CLVS1: variants seen among roughly 807,000 people sequenced by gnomAD.
CLVS1 encodes clavesin-1.
CLVS1 carries 10 observed loss-of-function variants against 33.1 expected under a neutral mutation model. The ratio of observed to expected loss-of-function variants is 0.30; its 90% CI spans 0.19 to 0.51. The LOEUF is 0.51. Ranked by LOEUF, CLVS1 falls within the 20% of genes least tolerant of loss-of-function variation. The pLI is 0.97. For synonymous variants in CLVS1, 163 were observed against 166.1 expected, an observed-to-expected ratio of 0.98 and a Z score of 0.14; for missense variants, 343 against 433.4, an observed-to-expected ratio of 0.79 and a Z score of 1.85.
intron 2 of CLVS1, among the ~76,000 whole-genome samples, chr8:61,182,654 A>G (rs1304591512): frequency 6.6e-6 from 1 of 152,204 alleles, no homozygotes; most frequent in Admixed American, 6.5e-5. Context: ...AGTCACAATG[A>G]CGATTATTAA....
At chr8:61,167,244 G>T (rs1806889101) in intron 2 of CLVS1, among the ~76,000 whole-genome samples, 1 of 149,846 alleles carries the variant, frequency 6.7e-6, no homozygotes, top group East Asian at 2.0e-4. Flanking sequence ...GCCCAGGCTG[G>T]AGTGCAATGG....
At chr8:61,112,465 G>A (rs10108726) in intron 1 of CLVS1, among the ~76,000 whole-genome samples, 100,987 of 152,144 alleles carry the variant, frequency 0.66, 36,091 homozygotes, top group East Asian at 0.97. Context: ...ATGTTGATCA[G>A]ATAATTGTGA....
intron 4 of CLVS1, among the ~76,000 whole-genome samples, chr8:61,456,644 C>T (rs1383296986): frequency 2.0e-5 from 3 of 151,906 alleles, no homozygotes; most frequent in African/African-American, 7.2e-5. Flanking sequence ...AGGCTGGGCG[C>T]GGTGGCTCAC....
At chr8:61,469,280 C>A (rs1230429548) in intron 5 of CLVS1, among the ~76,000 whole-genome samples, 1 of 152,198 alleles carries the variant, frequency 6.6e-6, no homozygotes, top group Non-Finnish European at 1.5e-5. Context: ...CGCTGACTTC[C>A]TAAATTGGCA....
intron 2 of CLVS1, chr8:61,202,849 G>C: frequency 2.1e-6 from 2 of 975,570 alleles, no homozygotes; most frequent in Admixed American, 1.8e-5. Flanking sequence ...TGATGATGAT[G>C]ATGAAGAAGA....
At chr8:61,073,599 A>T (rs6471913) in intron 1 of CLVS1, among the ~76,000 whole-genome samples, 84,901 of 151,886 alleles carry the variant, frequency 0.56, 26,712 homozygotes, top group African/African-American at 0.85. Context: ...TTGCTTTGCT[A>T]TAATAATAAT....
intron 2 of CLVS1, among the ~76,000 whole-genome samples, chr8:61,236,323 A>G (rs2931353): frequency 0.69 from 105,298 of 152,030 alleles, 38,784 homozygotes; most frequent in East Asian, 0.97. Context: ...AGTAGATGTG[A>G]TGACAGTGCC....
the CLVS1 span, among the ~76,000 whole-genome samples, chr8:61,011,156 TGGG>T: frequency 1.3e-5 from 2 of 152,186 alleles, no homozygotes; most frequent in Non-Finnish European, 2.9e-5. Flanking sequence ...GTCCAGCTAC[TGGG>T]GGAAGCTGAG....
Position 61,379,680 on chromosome 8 carries a change from T to C in CLVS1, c.630+2901T>C, listed in dbSNP as rs554021174. Among the ~76,000 whole-genome samples the C allele has an allele frequency of 2.2e-3, 332 of 152,310 alleles. 1 individual carries two copies. Among genetic ancestry groups the C allele is most frequent in the African/African-American group, 7.6e-3 (317 of 41,566 alleles). On this transcript the variant is annotated intron_variant, in intron 3 of 5. Transcript: ENST00000325897. The stretch of plus-strand genomic sequence containing the variant: ...GAGTTCTCTGGGGAGCAGACTATGA[T>C]GTGACTAACATGCCAAAGATTTATT...
rs536131787 is a variant in CLVS1, at chr8:61,241,147, A to T, written c.-151-58530A>T. 3.9e-5 allele frequency among the ~76,000 whole-genome samples: 6 copies of T among 152,202 alleles called. No individual in the cohort carries two copies. The South Asian group carries it at 1.2e-3, about 32-fold the overall frequency. On this transcript the variant is annotated intron_variant, in intron 2 of 2. Transcript: ENST00000522621. Reference sequence around the variant, plus strand: ...TGTCACCATCACATTGGGTGTCAGGATTTACCATATGCATTTTGGAGGTAT... The same window carrying T: ...TGTCACCATCACATTGGGTGTCAGGTTTTACCATATGCATTTTGGAGGTAT...
At chr8:61,154,161 C>CTA (rs1806602724) in intron 2 of CLVS1, among the ~76,000 whole-genome samples, 2 of 151,932 alleles carry the variant, frequency 1.3e-5, no homozygotes, top group Admixed American at 1.3e-4. Flanking sequence ...TTTGGCTTTG[C>CTA]TATCCTCCAC....
At position 61,357,489 on chromosome 8, in the gene CLVS1, C is replaced by CTTTTTTTTTT. The variant is rs1462908906; in HGVS notation, c.456-19112_456-19111insTTTTTTTTTT. 1.1e-3 allele frequency among the ~76,000 whole-genome samples: 34 copies of CTTTTTTTTTT among 30,262 alleles called. 4 individuals are homozygous for CTTTTTTTTTT. In the East Asian group the frequency reaches 0.024, roughly 21 times the overall value. 19.9% of individuals were successfully genotyped at this position (30,262 alleles called of 152,430 possible). On this transcript the variant is annotated intron_variant, in intron 2 of 5. Coordinates refer to ENST00000325897, the MANE Select transcript of CLVS1 (RefSeq NM_173519.3). Reference sequence around the variant, plus strand: ...TTTTCCTTCTTTTTCTTTCCTTTTTCTTTTCTTTTTTTTTTTTTTTTTTTT... The same window carrying CTTTTTTTTTT: ...TTTTCCTTCTTTTTCTTTCCTTTTTCTTTTTTTTTTTTTTCTTTTTTTTTTTTTTTTTTTT...
At chr8:61,077,200 A>G (rs1804929682) in intron 1 of CLVS1, among the ~76,000 whole-genome samples, 1 of 151,358 alleles carries the variant, frequency 6.6e-6, no homozygotes, top group Non-Finnish European at 1.5e-5. Flanking sequence ...CAGCCTCCCG[A>G]GTAGCTGGGA....
chr8:61,117,032 C>A (rs1280302056), intron 1 of CLVS1, among the ~76,000 whole-genome samples: 5 of 131,568 alleles, frequency 3.8e-5, no homozygotes, highest in Non-Finnish European at 7.9e-5. Flanking sequence ...TTGTTTGTAT[C>A]CTCTTTTATT....
At chr8:61,489,843 T>C (rs995922864) in intron 5 of CLVS1, among the ~76,000 whole-genome samples, 1 of 152,202 alleles carries the variant, frequency 6.6e-6, no homozygotes, top group African/African-American at 2.4e-5. Flanking sequence ...GCTTGGTGAT[T>C]ACAATTCAGA....
At chr8:61,035,489 T>C in the CLVS1 span, among the ~76,000 whole-genome samples, 1 of 152,176 alleles carries the variant, frequency 6.6e-6, no homozygotes, top group Non-Finnish European at 1.5e-5. Flanking sequence ...AGATGTGCAA[T>C]GGGCTGGGTT....
At chr8:61,194,789 A>G (rs1671254621) in intron 2 of CLVS1, among the ~76,000 whole-genome samples, 1 of 151,856 alleles carries the variant, frequency 6.6e-6, no homozygotes, top group South Asian at 2.1e-4. Context: ...TGAGGCTCAT[A>G]TGAAACATTT....
rs374404656 is a variant in CLVS1, at chr8:61,454,213, C to T, written c.703C>T (p.Leu235Phe). Reference protein sequence around the residue: ...QPWYIHALYTLIKPFLKDKTR... With the variant: ...QPWYIHALYTFIKPFLKDKTR... The stretch of plus-strand genomic sequence containing the variant: ...CTGGTACATTCATGCCCTCTACACA[C>T]TCATCAAGCCATTTCTTAAAGACAA... Residue 235 changes from leucine (L) to phenylalanine (F), a missense_variant, in exon 4 of 6, where the codon CTC becomes TTC. Physicochemically the swap from Leu to Phe is conservative, Grantham distance 22. This residue lies in a region of CLVS1 where 166 missense variants were observed against 244.0 expected (regional missense o/e 0.68). Transcript: ENST00000325897. The T allele has an allele frequency of 1.1e-5, 17 of 1,613,956 alleles. No homozygotes were observed. The African/African-American group carries it at 1.3e-4, about 13-fold the overall frequency.
intron 1 of CLVS1, chr8:61,090,933 G>A (rs1318361250): frequency 3.9e-6 from 2 of 518,500 alleles, no homozygotes; most frequent in Non-Finnish European, 7.7e-6. Flanking sequence ...TGGGGAATGT[G>A]CGTGAATCTT....
Sources: gnomAD v4.1 joint callset for allele counts (sites outside exome capture counted in the v4.1 genomes callset) on GRCh38, gnomAD v4.1.1 for gene constraint, gnomAD v4.1.1 regional missense constraint, MANE v1.5 for transcripts, NCBI Gene and HGNC (gene_info 2026-07-23, HGNC 2026-07-21) for gene names.